TMEM268: variants seen among roughly 807,000 people sequenced by gnomAD.
TMEM268 encodes the protein transmembrane protein C9orf91.
In TMEM268, 24 loss-of-function variants were observed where a neutral mutation model predicts 39.1. The observed-to-expected ratio is 0.61, with a 90% CI of 0.44 to 0.86. The LOEUF is 0.86. Among genes scored for constraint, TMEM268 ranks in the 40% least tolerant of loss-of-function variants. The probability of loss-of-function intolerance (pLI) is 0.00; values close to 1 mark genes in which losing one functional copy is unlikely to be tolerated. For missense variants in TMEM268, 409 were observed against 428.6 expected (o/e 0.95, Z 0.40); for synonymous variants, 176 against 173.5 (o/e 1.01, Z -0.12).
chr9:114,636,012 G>A (rs1206534379), intron 6 of TMEM268, among the ~76,000 whole-genome samples: 1 of 152,246 alleles, frequency 6.6e-6, no homozygotes, highest in Non-Finnish European at 1.5e-5. Context: ...CAAGAAGGCT[G>A]TGACTTTGGG....
chr9:114,611,014 A>G (rs1246776642), upstream of TMEM268, among the ~76,000 whole-genome samples: 1 of 152,198 alleles, frequency 6.6e-6, no homozygotes, highest in Non-Finnish European at 1.5e-5. Flanking sequence ...TGAGGTCAGG[A>G]GTCCGATAGC....
At chr9:114,622,958 T>G (rs529284954) in intron 2 of TMEM268, among the ~76,000 whole-genome samples, 3 of 151,796 alleles carry the variant, frequency 2.0e-5, no homozygotes, top group Non-Finnish European at 4.4e-5. Context: ...GGCATGGTGG[T>G]GCATGCCTGT....
intron 7 of TMEM268, among the ~76,000 whole-genome samples, chr9:114,637,384 G>A (rs983399794): frequency 4.7e-5 from 7 of 150,268 alleles, no homozygotes; most frequent in Non-Finnish European, 8.9e-5. Context: ...CCTTCGCTTC[G>A]TGGGTTCAAG....
At chr9:114,633,036 C>T (rs1382873644) in intron 5 of TMEM268, among the ~76,000 whole-genome samples, 4 of 152,166 alleles carry the variant, frequency 2.6e-5, no homozygotes, top group Non-Finnish European at 5.9e-5. Context: ...CACTCTGTCA[C>T]CTAGGCTGGA....
At chr9:114,616,813 C>T (rs1488053100) in intron 1 of TMEM268, among the ~76,000 whole-genome samples, 1 of 152,196 alleles carries the variant, frequency 6.6e-6, no homozygotes, top group African/African-American at 2.4e-5. Flanking sequence ...GAAATCCCAA[C>T]TGCCTGGCAG....
rs10982337 is a variant in TMEM268 at position 114,630,609 on chromosome 9, T to G, written c.474+2359T>G. Among the ~76,000 whole-genome samples, 328 of 152,340 alleles carry G rather than the reference T, an allele frequency of 2.2e-3. 12 individuals carry two copies. In the East Asian group the frequency reaches 0.059, roughly 27 times the overall value. On this transcript the variant is annotated intron_variant, in intron 5 of 8. Coordinates refer to ENST00000288502, the MANE Select transcript of TMEM268 (RefSeq NM_153045.4). ...TACTTAATCTATCAGGGCCTCAGTT[T>G]CCTCATCTAAAACATGAGATAATAA...
intron 6 of TMEM268, among the ~76,000 whole-genome samples, 163 bp from the exon 7 acceptor site, chr9:114,636,827 A>G (rs1325294021): frequency 1.3e-5 from 2 of 152,170 alleles, no homozygotes; most frequent in Non-Finnish European, 2.9e-5. Flanking sequence ...CTAAACGTGC[A>G]CACAAAGCCA....
intron 6 of TMEM268, among the ~76,000 whole-genome samples, chr9:114,635,607 A>G (rs1421362235): frequency 6.6e-6 from 1 of 152,100 alleles, no homozygotes; most frequent in Non-Finnish European, 1.5e-5. Flanking sequence ...TGAGCGCGGG[A>G]TGTCAAGGCT....
chr9:114,625,035 A>G (rs1846100032), intron 3 of TMEM268, among the ~76,000 whole-genome samples: 1 of 152,206 alleles, frequency 6.6e-6, no homozygotes, highest in Non-Finnish European at 1.5e-5. Context: ...AAGCATAGTG[A>G]TTTGAGGCCA....
the TMEM268 span, among the ~76,000 whole-genome samples, chr9:114,604,711 G>A: frequency 6.6e-6 from 1 of 151,946 alleles, no homozygotes; most frequent in Non-Finnish European, 1.5e-5. Flanking sequence ...AGAGGAGAGG[G>A]AAACTTGTAG....
upstream of TMEM268, among the ~76,000 whole-genome samples, chr9:114,606,436 C>T (rs927682582): frequency 7.9e-5 from 12 of 152,260 alleles, no homozygotes; most frequent in Middle Eastern, 6.8e-3. Context: ...TAGTGGAGTC[C>T]GTCATTTGAG....
upstream of TMEM268, among the ~76,000 whole-genome samples, chr9:114,606,860 GA>G (rs57403545): frequency 0.51 from 74,008 of 144,116 alleles, 18,398 homozygotes; most frequent in East Asian, 0.63. Flanking sequence ...AGCTCCAAAA[GA>G]AAAAAAAAAA....
chr9:114,607,912 G>A (rs1256352456), upstream of TMEM268, among the ~76,000 whole-genome samples: 2 of 152,086 alleles, frequency 1.3e-5, no homozygotes, highest in East Asian at 1.9e-4. Flanking sequence ...GGTTATAGGA[G>A]GAAATGAGAG....
chr9:114,606,770 T>C (rs1282111174), upstream of TMEM268, among the ~76,000 whole-genome samples: 1 of 152,040 alleles, frequency 6.6e-6, no homozygotes, highest in Admixed American at 6.6e-5. Flanking sequence ...TGGTTCAATT[T>C]GTTCAGGCCA....
intron 2 of TMEM268, 121 bp downstream of exon 2, chr9:114,617,422 A>T (rs1845771495): frequency 2.6e-6 from 2 of 770,218 alleles, no homozygotes; most frequent in Admixed American, 2.1e-5. Context: ...ATATTCTGTC[A>T]TTTTTACCAG....
chr9:114,619,510 G>A (rs1275591977), intron 2 of TMEM268, among the ~76,000 whole-genome samples: 5 of 152,196 alleles, frequency 3.3e-5, no homozygotes, highest in Non-Finnish European at 7.3e-5. Context: ...GGGCAAACAC[G>A]TAATTCAGTG....
upstream of TMEM268, among the ~76,000 whole-genome samples, chr9:114,610,314 C>T (rs1185320112): frequency 6.6e-6 from 1 of 152,178 alleles, no homozygotes; most frequent in Non-Finnish European, 1.5e-5. Flanking sequence ...GCTGGGATTA[C>T]AGGCGTGAGC....
chr9:114,619,293 GCACACACACACA>G lies in TMEM268; in HGVS notation c.106+2009_106+2020del, dbSNP rs10552544. On this transcript the variant is annotated intron_variant, in intron 2 of 8. Transcript: ENST00000288502. Reference sequence around the variant, plus strand: ...CCCCTCTGCGCGTGCGTGCACGCGTGCACACACACACACACACACACACACACAGACACACAC... The same window carrying G: ...CCCCTCTGCGCGTGCGTGCACGCGTGCACACACACACACACAGACACACAC... 5.5e-4 allele frequency among the ~76,000 whole-genome samples: 83 copies of G among 150,408 alleles called. 1 individual carries two copies. In the East Asian group the frequency reaches 0.013, roughly 23 times the overall value.
intron 7 of TMEM268, among the ~76,000 whole-genome samples, chr9:114,637,396 G>A (rs1479421638): frequency 1.3e-5 from 2 of 149,866 alleles, no homozygotes; most frequent in East Asian, 2.0e-4. Context: ...GGGTTCAAGC[G>A]ATTCTCCTGC....
Sources: gnomAD v4.1 joint callset for allele counts (sites outside exome capture counted in the v4.1 genomes callset) on GRCh38, gnomAD v4.1.1 for gene constraint, MANE v1.5 for transcripts, NCBI Gene and HGNC (gene_info 2026-07-23, HGNC 2026-07-21) for gene names.